THRB: variants seen among roughly 807,000 people sequenced by gnomAD.
THRB encodes the protein nuclear receptor subfamily 1 group A member 2.
A neutral mutation model predicts 47.8 loss-of-function variants in THRB; 12 were observed. The observed-to-expected ratio is 0.25, with a 90% CI of 0.16 to 0.41. The LOEUF (loss-of-function observed/expected upper bound fraction) is 0.41, where lower values mean the gene tolerates loss of function less well. Among genes scored for constraint, THRB ranks in the 10% least tolerant of loss-of-function variants. The pLI is 1.00. For missense variants in THRB, 348 were observed against 589.2 expected (o/e 0.59, Z 4.24); for synonymous variants, 218 against 212.2 (o/e 1.03, Z -0.24).
intron 3 of THRB, among the ~76,000 whole-genome samples, chr3:24,234,267 T>C (rs1398220089): frequency 6.6e-6 from 1 of 152,202 alleles, no homozygotes; most frequent in African/African-American, 2.4e-5. Flanking sequence ...GGTTCACAGA[T>C]ACTTTACACA....
rs531803075 is a variant in THRB at position 24,125,751 on chromosome 3, G to C, written c.1144+1748C>G. ...CGGTTTACTTCATGAAGCTGGCACG[G>C]AGAGTCCCTAGAGCAAGTCTGCCAG... On this transcript the variant is annotated intron_variant, in intron 10 of 10. Transcript: ENST00000646209. Among the ~76,000 whole-genome samples, 53 of 152,286 alleles carry C rather than the reference G, an allele frequency of 3.5e-4. No individual in the cohort carries two copies. In the South Asian group the frequency reaches 0.01, roughly 30 times the overall value.
At chr3:24,266,256 C>T (rs765107800) in intron 3 of THRB, among the ~76,000 whole-genome samples, 1 of 152,060 alleles carries the variant, frequency 6.6e-6, no homozygotes, top group Non-Finnish European at 1.5e-5. Flanking sequence ...TTGCCAGGAG[C>T]CACAAAACCA....
intron 4 of THRB, among the ~76,000 whole-genome samples, chr3:24,197,273 C>G (rs1189605034): frequency 1.3e-5 from 2 of 152,214 alleles, no homozygotes; most frequent in African/African-American, 4.8e-5. Flanking sequence ...GGATTGTTCT[C>G]CCAGAAGTGC....
chr3:24,174,325 T>A (rs1323907893), intron 5 of THRB, among the ~76,000 whole-genome samples: 1 of 152,206 alleles, frequency 6.6e-6, no homozygotes, highest in Non-Finnish European at 1.5e-5. Context: ...CTCTGTAGCT[T>A]TGCCACAGCC....
At chr3:24,420,225 C>T (rs1239868867) in intron 1 of THRB, among the ~76,000 whole-genome samples, 1 of 151,862 alleles carries the variant, frequency 6.6e-6, no homozygotes, top group African/African-American at 2.4e-5. Context: ...CAGTGAAAAA[C>T]AAAAATATGG....
chr3:24,318,298 G>C (rs2058259380), intron 2 of THRB: 1 of 152,256 alleles, frequency 6.6e-6, no homozygotes, highest in Admixed American at 6.5e-5. Context: ...AGTGCCTCCT[G>C]CATGTGCCTT....
chr3:24,245,800 C>A lies in THRB; in HGVS notation c.-42-16799G>T, dbSNP rs560370926. ...TGGTGGCACGTGCCTGTAATCCCAG[C>A]TACTTGGGAGGCTGAGGCAGGAGAA... is the stretch of plus-strand genomic sequence containing the variant. On this transcript the variant is annotated intron_variant, in intron 3 of 10. Transcript: ENST00000646209. Among the ~76,000 whole-genome samples the A allele has an allele frequency of 6.6e-5, 10 of 152,278 alleles. No individual in the cohort carries two copies. The East Asian group carries it at 1.9e-3, about 29-fold the overall frequency.
chr3:24,394,951 G>A (rs1421006399), intron 1 of THRB, among the ~76,000 whole-genome samples: 1 of 152,066 alleles, frequency 6.6e-6, no homozygotes, highest in Admixed American at 6.6e-5. Context: ...GAGAGCAGAA[G>A]GAAGCTGGAA....
At chr3:24,367,337 T>C (rs2064548780) in intron 1 of THRB, among the ~76,000 whole-genome samples, 1 of 152,192 alleles carries the variant, frequency 6.6e-6, no homozygotes, top group African/African-American at 2.4e-5. Flanking sequence ...AACCCTTTTA[T>C]GTATCAAACC....
intron 4 of THRB, among the ~76,000 whole-genome samples, chr3:24,204,574 A>G (rs374776162): frequency 6.6e-6 from 1 of 152,238 alleles, no homozygotes; most frequent in Admixed American, 6.5e-5. Flanking sequence ...AGAAAAGCTG[A>G]AAATTCTAAA....
At position 24,427,896 on chromosome 3, in the gene THRB, A is replaced by T. The variant is rs551252423; in HGVS notation, c.-261+66756T>A. ...TTCCTGAGGTTTTCCTTGAAATATC[A>T]GAAGAGACTTAGATTTGAAAATTTC... On this transcript the variant is annotated intron_variant, in intron 1 of 10. Coordinates refer to ENST00000646209, the MANE Select transcript of THRB (RefSeq NM_001354712.2). Among the ~76,000 whole-genome samples, 16 of 152,170 alleles carry T rather than the reference A, an allele frequency of 1.1e-4. No individual in the cohort carries two copies. In the South Asian group the frequency reaches 3.1e-3, roughly 30 times the overall value.
chr3:24,297,677 G>C (rs965962648), intron 2 of THRB, among the ~76,000 whole-genome samples: 2 of 152,248 alleles, frequency 1.3e-5, no homozygotes, highest in Non-Finnish European at 2.9e-5. Context: ...CTGTTAAGTA[G>C]CTACAACAGA....
intron 1 of THRB, among the ~76,000 whole-genome samples, chr3:24,376,926 A>C (rs1323118948): frequency 1.3e-5 from 2 of 151,660 alleles, no homozygotes; most frequent in Admixed American, 1.3e-4. Flanking sequence ...GCCTGCCCAA[A>C]ATATCTGTCT....
At chr3:24,301,929 G>T (rs1399117138) in intron 2 of THRB, among the ~76,000 whole-genome samples, 1 of 152,198 alleles carries the variant, frequency 6.6e-6, no homozygotes, top group Non-Finnish European at 1.5e-5. Context: ...AAGCCAAGGA[G>T]TATGGCTGAC....
chr3:24,291,153 A>G (rs1434885237), intron 3 of THRB, among the ~76,000 whole-genome samples: 1 of 152,214 alleles, frequency 6.6e-6, no homozygotes, highest in Admixed American at 6.5e-5. Flanking sequence ...TTCCTCTCAC[A>G]ATAGGAGATT....
At chr3:24,167,821 A>C (rs2039848614) in intron 5 of THRB, among the ~76,000 whole-genome samples, 1 of 152,146 alleles carries the variant, frequency 6.6e-6, no homozygotes, top group African/African-American at 2.4e-5. Context: ...ATTCCAAAGG[A>C]ATACTTAAAA....
At position 24,382,354 on chromosome 3, in the gene THRB, A is replaced by T. The variant is rs566505801; in HGVS notation, c.-260-44983T>A. Reference sequence around the variant, plus strand: ...ACTGTATATTTTTTCTTCTTTTGCTAGTCAAAGGATTAATATTCTTAATAA... The same window carrying T: ...ACTGTATATTTTTTCTTCTTTTGCTTGTCAAAGGATTAATATTCTTAATAA... On this transcript the variant is annotated intron_variant, in intron 1 of 10. Transcript: ENST00000646209. Among the ~76,000 whole-genome samples, 17 of 152,252 alleles carry T rather than the reference A, an allele frequency of 1.1e-4. No individual in the cohort carries two copies. In the South Asian group the frequency reaches 3.5e-3, roughly 32 times the overall value.
chr3:24,447,362 A>C (rs1005291557), intron 1 of THRB, among the ~76,000 whole-genome samples: 1 of 152,170 alleles, frequency 6.6e-6, no homozygotes, highest in Admixed American at 6.5e-5. Flanking sequence ...CCTGAGCTTA[A>C]AATAATCTCA....
intron 1 of THRB, among the ~76,000 whole-genome samples, chr3:24,427,122 G>C (rs573683514): frequency 6.6e-6 from 1 of 151,992 alleles, no homozygotes; most frequent in African/African-American, 2.4e-5. Flanking sequence ...GGGATGAGGC[G>C]CCAGATGGTT....
Sources: allele counts gnomAD v4.1 joint callset (sites outside exome capture counted in the v4.1 genomes callset), GRCh38; gene constraint gnomAD v4.1.1; transcripts MANE v1.5; gene names NCBI Gene and HGNC (gene_info 2026-07-23, HGNC 2026-07-21).